Variants in KCNIP4 observed in about 807,000 individuals in gnomAD.
KCNIP4 encodes potassium voltage-gated channel interacting protein 4, also known as Kv channel-interacting protein 4.
A neutral mutation model predicts 34.0 loss-of-function variants in KCNIP4; 12 were observed. That is an observed-to-expected ratio of 0.35 (90% CI 0.23 to 0.57). The LOEUF (loss-of-function observed/expected upper bound fraction) is 0.57. Among genes scored for constraint, KCNIP4 ranks in the 20% least tolerant of loss-of-function variants. The pLI, the probability that KCNIP4 is intolerant of heterozygous loss-of-function variation, is 0.83. For missense variants in KCNIP4, 238 were observed against 311.7 expected, an observed-to-expected ratio of 0.76 and a Z score of 1.78; for synonymous variants, 124 against 102.2, an observed-to-expected ratio of 1.21 and a Z score of -1.29.
At chr4:21,750,765 G>A (rs553988271) in intron 1 of KCNIP4, among the ~76,000 whole-genome samples, 14 of 152,064 alleles carry the variant, frequency 9.2e-5, no homozygotes, top group East Asian at 7.7e-4. Flanking sequence ...CAGTTATTTC[G>A]CGGAGAAGCT....
At chr4:21,484,540 G>T (rs186015343) in intron 1 of KCNIP4, among the ~76,000 whole-genome samples, 1 of 152,292 alleles carries the variant, frequency 6.6e-6, no homozygotes, top group Non-Finnish European at 1.5e-5. Context: ...ATATAATGTT[G>T]TGCAGGTTAT....
intron 1 of KCNIP4, among the ~76,000 whole-genome samples, chr4:21,469,728 T>C (rs1366085048): frequency 6.6e-6 from 1 of 152,114 alleles, no homozygotes; most frequent in Admixed American, 6.6e-5. Flanking sequence ...TCAAAGATAA[T>C]TGGACTCATT....
chr4:21,353,929 A>G (rs529212708), intron 1 of KCNIP4, among the ~76,000 whole-genome samples: 1 of 152,344 alleles, frequency 6.6e-6, no homozygotes, highest in Non-Finnish European at 1.5e-5. Context: ...AGGGAAGCCC[A>G]TTAGACTAAC....
chr4:20,918,858 T>C (rs532706435), intron 1 of KCNIP4, among the ~76,000 whole-genome samples: 2 of 152,148 alleles, frequency 1.3e-5, no homozygotes, highest in South Asian at 4.1e-4. Context: ...GAAAACCAAA[T>C]CTGTGAGCAA....
At chr4:21,612,686 G>A (rs1455999227) in intron 1 of KCNIP4, among the ~76,000 whole-genome samples, 1 of 152,112 alleles carries the variant, frequency 6.6e-6, no homozygotes. Flanking sequence ...TTAAATAGAT[G>A]GGGCAGAAAT....
At chr4:21,775,177 C>G (rs1003636396) in intron 1 of KCNIP4, among the ~76,000 whole-genome samples, 1 of 152,076 alleles carries the variant, frequency 6.6e-6, no homozygotes, top group African/African-American at 2.4e-5. Context: ...GCTGTTGCCA[C>G]TTTCTGCTTT....
At chr4:20,792,557 T>G (rs1478205716) in intron 3 of KCNIP4, among the ~76,000 whole-genome samples, 2 of 151,968 alleles carry the variant, frequency 1.3e-5, no homozygotes, top group Non-Finnish European at 2.9e-5. Flanking sequence ...CTACTTTAAA[T>G]ATAGAGATAA....
At chr4:21,061,998 A>G (rs1743968345) in intron 1 of KCNIP4, among the ~76,000 whole-genome samples, 1 of 152,138 alleles carries the variant, frequency 6.6e-6, no homozygotes, top group South Asian at 2.1e-4. Context: ...TCACATCTTG[A>G]TCTTTGACTT....
At chr4:20,821,453 A>T (rs1436956312) in intron 3 of KCNIP4, among the ~76,000 whole-genome samples, 1 of 152,156 alleles carries the variant, frequency 6.6e-6, no homozygotes, top group Non-Finnish European at 1.5e-5. Context: ...TCCGAGTTAG[A>T]TCATATTTAC....
In KCNIP4 at chr4:21,078,624, G is replaced by A. The variant is rs73101768; in HGVS notation, c.62-195915C>T. On this transcript the variant is annotated intron_variant, in intron 1 of 8. Transcript: ENST00000382152. ...TTAACATATAAATTTTGGGAAGCAC[G>A]ACAATTCACCCCATAGCATACCCAT... Among the ~76,000 whole-genome samples the A allele has an allele frequency of 1.3e-3, 203 of 152,064 alleles. 3 individuals carry two copies. The highest frequency in any genetic ancestry group is 4.8e-3 in the African/African-American group (198 of 41,486).
intron 1 of KCNIP4, among the ~76,000 whole-genome samples, chr4:21,212,784 T>C (rs1334753380): frequency 6.6e-6 from 1 of 152,098 alleles, no homozygotes; most frequent in East Asian, 1.9e-4. Flanking sequence ...GACCTGATCA[T>C]CTCCCAAAGT....
chr4:21,309,003 G>A (rs75210795), intron 1 of KCNIP4, among the ~76,000 whole-genome samples: 9 of 152,164 alleles, frequency 5.9e-5, no homozygotes, highest in Middle Eastern at 3.4e-3. Context: ...ACTTCAGAGC[G>A]TACCCCTAAA....
At chr4:21,026,878 A>G (rs561088122) in intron 1 of KCNIP4, among the ~76,000 whole-genome samples, 6 of 152,278 alleles carry the variant, frequency 3.9e-5, no homozygotes, top group African/African-American at 1.4e-4. Context: ...TGTCTGGAAC[A>G]TGGAACACAA....
chr4:21,414,412 A>C (rs1560382015), intron 1 of KCNIP4, among the ~76,000 whole-genome samples: 2 of 152,226 alleles, frequency 1.3e-5, no homozygotes, highest in East Asian at 1.9e-4. Flanking sequence ...CAGGATGGCT[A>C]TTATGACAGA....
At chr4:21,655,639 TA>T (rs1328908801) in intron 1 of KCNIP4, among the ~76,000 whole-genome samples, 2 of 152,166 alleles carry the variant, frequency 1.3e-5, no homozygotes, top group African/African-American at 2.4e-5. Context: ...CCAAAACATA[TA>T]TCCTAAAAGG....
chr4:20,805,795 A>G (rs1486523118), intron 3 of KCNIP4, among the ~76,000 whole-genome samples: 2 of 152,100 alleles, frequency 1.3e-5, no homozygotes, highest in Non-Finnish European at 2.9e-5. Context: ...AGTAGTAGAA[A>G]AATTTCAAAC....
chr4:21,783,762 C>T (rs567973859), intron 1 of KCNIP4, among the ~76,000 whole-genome samples: 1 of 152,046 alleles, frequency 6.6e-6, no homozygotes, highest in Non-Finnish European at 1.5e-5. Context: ...ATGTACATAT[C>T]GGAGGAGTGG....
chr4:20,938,348 G>A (rs1731293113), intron 1 of KCNIP4, among the ~76,000 whole-genome samples: 1 of 151,980 alleles, frequency 6.6e-6, no homozygotes, highest in African/African-American at 2.4e-5. Context: ...TATATTTCAT[G>A]AAGACAAAAC....
intron 1 of KCNIP4, among the ~76,000 whole-genome samples, chr4:21,109,614 TGCACCCACTGTCTG>T (rs1185786766): frequency 3.3e-5 from 5 of 152,216 alleles, no homozygotes; most frequent in Admixed American, 2.6e-4. Flanking sequence ...CCCACTGTCC[TGCACCCACTGTCTG>T]GCACTCCCTA....
Sources: allele counts gnomAD v4.1 joint callset (sites outside exome capture counted in the v4.1 genomes callset), GRCh38; gene constraint gnomAD v4.1.1; transcripts MANE v1.5; gene names NCBI Gene and HGNC (gene_info 2026-07-23, HGNC 2026-07-21).